Variants in PCDHA8 observed in about 807,000 individuals in gnomAD.
PCDHA8 encodes the protein protocadherin alpha 8.
A neutral mutation model predicts 61.8 loss-of-function variants in PCDHA8; 53 were observed. That is an observed-to-expected ratio of 0.86 (90% CI 0.69 to 1.08). The LOEUF is 1.08. Ranked by LOEUF, PCDHA8 falls within the 50% of genes least tolerant of loss-of-function variation. The probability of loss-of-function intolerance (pLI) is 0.00; values close to 1 mark genes in which losing one functional copy is unlikely to be tolerated. For synonymous variants in PCDHA8, 618 were observed against 556.6 expected, an observed-to-expected ratio of 1.11 and a Z score of -1.55; for missense variants, 1,293 against 1,245.0, an observed-to-expected ratio of 1.04 and a Z score of -0.58.
intron 1 of PCDHA8, among the ~76,000 whole-genome samples, chr5:140,892,933 T>C (rs1323780846): frequency 6.6e-6 from 1 of 152,210 alleles, no homozygotes; most frequent in Non-Finnish European, 1.5e-5. Context: ...CAGCCTCTGA[T>C]AAGCACAATA....
rs1195696269 is a variant in PCDHA8, at chr5:141,010,821, TTTG to T, written c.*890_*892del. ...AACCCCGACACCTCACCTTTCGCTG[TTTG>T]TTGTTTCATAGATTTATTTAAAAAA... is the stretch of plus-strand genomic sequence containing the variant. On this transcript the variant is annotated 3_prime_UTR_variant, in exon 4 of 4. Coordinates refer to ENST00000531613, the MANE Select transcript of PCDHA8 (RefSeq NM_018911.3). 3 of 153,772 alleles carry T rather than the reference TTTG, an allele frequency of 2.0e-5. No individual in the cohort carries two copies. The highest frequency in any genetic ancestry group is 4.4e-5 in the Non-Finnish European group (3 of 68,048). 9.5% of individuals were successfully genotyped at this position (153,772 alleles called of 1,614,324 possible).
In PCDHA8 at chr5:140,856,507, A is replaced by C. The variant is rs527808702; in HGVS notation, c.2394+12792A>C. 4.2e-5 allele frequency: 67 copies of C among 1,598,478 alleles called. 5 individuals carry two copies. In the South Asian group the frequency reaches 7.1e-4, roughly 17 times the overall value. Reference sequence around the variant, plus strand: ...GACTGCTTGACTCTCGATTTCCACTAGAAGGCGCATCTGATGCGGATGTTG... The same window carrying C: ...GACTGCTTGACTCTCGATTTCCACTCGAAGGCGCATCTGATGCGGATGTTG... On this transcript the variant is annotated intron_variant, in intron 1 of 3. Coordinates refer to ENST00000531613, the MANE Select transcript of PCDHA8 (RefSeq NM_018911.3).
chr5:140,951,520 A>G (rs904780831), intron 1 of PCDHA8, among the ~76,000 whole-genome samples: 6 of 151,972 alleles, frequency 3.9e-5, no homozygotes, highest in Admixed American at 2.0e-4. Context: ...CTCATCTTAC[A>G]TGGCCGGTGC....
intron 3 of PCDHA8, among the ~76,000 whole-genome samples, chr5:140,988,180 G>C (rs2097285964): frequency 1.3e-5 from 2 of 152,134 alleles, no homozygotes; most frequent in Admixed American, 1.3e-4. Context: ...TGACAGTCCT[G>C]GGAGGTGTGT....
chr5:140,848,512 G>A (rs1781566761), intron 1 of PCDHA8: 1 of 1,590,350 alleles, frequency 6.3e-7, no homozygotes, highest in South Asian at 1.1e-5. Context: ...TACTCAAGTC[G>A]AGGAGATCCA....
intron 1 of PCDHA8, among the ~76,000 whole-genome samples, chr5:140,874,289 T>G (rs1234939624): frequency 1.3e-5 from 2 of 152,230 alleles, no homozygotes; most frequent in Non-Finnish European, 2.9e-5. Context: ...ACAAAATCTA[T>G]GTGTACTTGT....
chr5:140,876,301 A>G (rs2056269338), intron 1 of PCDHA8: 2 of 1,614,076 alleles, frequency 1.2e-6, no homozygotes, highest in East Asian at 4.5e-5. Flanking sequence ...TAATGGAGAA[A>G]TTTCCTATGG....
chr5:140,870,395 C>T (rs1554164197), intron 1 of PCDHA8: 1 of 1,614,218 alleles, frequency 6.2e-7, no homozygotes, highest in South Asian at 1.1e-5. Context: ...GATGGGGGTT[C>T]GCCTTCTCTG....
At chr5:140,848,664 G>A (rs1470524559) in intron 1 of PCDHA8, 6 of 1,592,252 alleles carry the variant, frequency 3.8e-6, no homozygotes, top group Non-Finnish European at 4.3e-6. Context: ...GCTGGAGCTG[G>A]CGGAGCTGGT....
rs2150471496 is a variant in PCDHA8 at position 140,850,180 on chromosome 5, C to T, written c.2394+6465C>T. On this transcript the variant is annotated intron_variant, in intron 1 of 3. Coordinates refer to ENST00000531613, the MANE Select transcript of PCDHA8 (RefSeq NM_018911.3). ...TTCGTGCTGGACGAGAACGACAATG[C>T]GCCGGCGCTGCTGACACCTCGGATG... 73 of 1,593,798 alleles carry T rather than the reference C, an allele frequency of 4.6e-5. 10 individuals carry two copies. The Middle Eastern group carries it at 1.0e-3, about 23-fold the overall frequency.
chr5:140,884,305 G>A (rs1223534357), intron 1 of PCDHA8: 2 of 1,613,602 alleles, frequency 1.2e-6, no homozygotes, highest in Non-Finnish European at 1.7e-6. Context: ...CACAGGCTTC[G>A]TCGAGGGCGT....
At chr5:140,883,121 G>C in intron 1 of PCDHA8, 12 of 1,614,070 alleles carry the variant, frequency 7.4e-6, no homozygotes, top group Non-Finnish European at 1.0e-5. Context: ...TAGAAGGCCT[G>C]TATGGCCTGC....
intron 1 of PCDHA8, among the ~76,000 whole-genome samples, chr5:140,844,781 G>A (rs1779544851): frequency 6.7e-6 from 1 of 149,070 alleles, no homozygotes; most frequent in African/African-American, 2.5e-5. Context: ...CTTTATTTTG[G>A]TATCTTTCAA....
chr5:140,843,493 A>T lies in PCDHA8; in HGVS notation c.2172A>T (p.Ser724=). 6.3e-7 allele frequency: 1 copy of T among 1,595,930 alleles called. No homozygotes were observed. The highest frequency in any genetic ancestry group is 8.6e-7 in the Non-Finnish European group (1 of 1,165,554). ...TGCTGTACACTGCGCTGCGGTGCTCAGCACTGCCCACTGAGGGCGGGTGCC... is the reference window on the plus strand; with the variant it reads ...TGCTGTACACTGCGCTGCGGTGCTCTGCACTGCCCACTGAGGGCGGGTGCC... ...TLLLYTALRC[S]ALPTEGGCRA... is the part of the protein sequence containing the mutation. The change falls in exon 1 of 4, where the codon TCA becomes TCT. Residue 724 remains serine, a synonymous_variant. Coordinates refer to ENST00000531613, the MANE Select transcript of PCDHA8 (RefSeq NM_018911.3).
At chr5:140,990,772 C>T (rs1554251728) in intron 3 of PCDHA8, among the ~76,000 whole-genome samples, 1 of 152,164 alleles carries the variant, frequency 6.6e-6, no homozygotes, top group African/African-American at 2.4e-5. Context: ...AAATTTGGCT[C>T]TGTGTTGGAC....
chr5:140,905,120 G>T (rs1191513318), intron 1 of PCDHA8, among the ~76,000 whole-genome samples: 3 of 152,214 alleles, frequency 2.0e-5, no homozygotes, highest in African/African-American at 7.2e-5. Flanking sequence ...CTAAGCCAAT[G>T]TCTAGAAGAG....
chr5:140,967,842 A>G (rs1239466478), intron 1 of PCDHA8: 1 of 1,614,042 alleles, frequency 6.2e-7, no homozygotes, highest in Non-Finnish European at 8.5e-7. Flanking sequence ...GTGGACGTGA[A>G]TGACAATGCC....
chr5:141,001,159 G>A (rs1332533329), intron 3 of PCDHA8, among the ~76,000 whole-genome samples: 2 of 152,076 alleles, frequency 1.3e-5, no homozygotes, highest in Non-Finnish European at 2.9e-5. Context: ...ATCTTAATAA[G>A]TAAAATTTAA....
chr5:140,968,209 C>G (rs781795931), intron 1 of PCDHA8: 5 of 1,614,002 alleles, frequency 3.1e-6, no homozygotes, highest in Non-Finnish European at 4.2e-6. Context: ...TACAGGAGAA[C>G]AATTTGCCAG....
Sources: gnomAD v4.1 joint callset for allele counts (sites outside exome capture counted in the v4.1 genomes callset) on GRCh38, gnomAD v4.1.1 for gene constraint, MANE v1.5 for transcripts, NCBI Gene and HGNC (gene_info 2026-07-23, HGNC 2026-07-21) for gene names.